Variants in CCNJL observed in about 807,000 individuals in gnomAD.
The protein encoded by CCNJL is cyclin J like.
A neutral mutation model predicts 33.4 loss-of-function variants in CCNJL; 33 were observed. That is an observed-to-expected ratio of 0.99 (90% confidence interval 0.75 to 1.32). The LOEUF is 1.32. Among genes scored for constraint, CCNJL ranks in the 40% most tolerant of loss-of-function variants. CCNJL has a pLI of 0.00. For missense variants in CCNJL, 512 were observed against 499.7 expected (o/e 1.02, Z -0.23); for synonymous variants, 227 against 220.9 (o/e 1.03, Z -0.24).
chr5:160,291,684 G>A (rs1046088543), intron 2 of CCNJL, among the ~76,000 whole-genome samples: 3 of 152,186 alleles, frequency 2.0e-5, no homozygotes, highest in African/African-American at 7.2e-5. Context: ...TCTAAACCTA[G>A]AGATTTACTG....
intron 2 of CCNJL, among the ~76,000 whole-genome samples, chr5:160,310,721 T>C (rs1354528768): frequency 1.3e-5 from 2 of 152,280 alleles, no homozygotes; most frequent in Non-Finnish European, 2.9e-5. Flanking sequence ...TGGGTTCTAC[T>C]CCAATGATCG....
At chr5:160,259,322 T>C (rs1299616898) in intron 4 of CCNJL, 147 bp downstream of exon 4, 1 of 662,846 alleles carries the variant, frequency 1.5e-6, no homozygotes, top group African/African-American at 1.8e-5. Context: ...CTTTGCTTAC[T>C]GCCTGCAAAG....
chr5:160,305,833 C>T (rs1269731373), intron 2 of CCNJL, among the ~76,000 whole-genome samples: 1 of 152,208 alleles, frequency 6.6e-6, no homozygotes, highest in African/African-American at 2.4e-5. Context: ...TGGGAGCATG[C>T]TGGCACACTG....
At chr5:160,323,948 C>T (rs763296566) in intron 1 of CCNJL, among the ~76,000 whole-genome samples, 19 of 152,206 alleles carry the variant, frequency 1.2e-4, no homozygotes, top group African/African-American at 2.4e-4. Flanking sequence ...TGCATTCCGA[C>T]GGGGACTATC....
chr5:160,282,980 T>TATATATATATATATATATATATATATAC (rs1762273632), intron 2 of CCNJL, among the ~76,000 whole-genome samples: 5 of 71,188 alleles, frequency 7.0e-5, no homozygotes, highest in Non-Finnish European at 7.8e-5. Flanking sequence ...TATATATATA[T>TATATATATATATATATATATATATATAC]ATATATATAT....
chr5:160,291,254 T>C (rs1762576290), intron 2 of CCNJL, among the ~76,000 whole-genome samples: 1 of 152,038 alleles, frequency 6.6e-6, no homozygotes, highest in South Asian at 2.1e-4. Flanking sequence ...TTATAAACTG[T>C]GCACCTAGCA....
chr5:160,316,372 A>G (rs896113909), upstream of CCNJL, among the ~76,000 whole-genome samples: 7 of 152,038 alleles, frequency 4.6e-5, no homozygotes, highest in East Asian at 1.2e-3. Context: ...GGAACAACAG[A>G]TTTAGAGCAA....
chr5:160,290,647 C>T (rs1003728919), intron 2 of CCNJL, among the ~76,000 whole-genome samples: 1 of 152,086 alleles, frequency 6.6e-6, no homozygotes, highest in African/African-American at 2.4e-5. Flanking sequence ...TTTTTATCTA[C>T]TCATTCATTT....
chr5:160,325,955 C>G (rs1306470195), intron 1 of CCNJL, among the ~76,000 whole-genome samples: 1 of 152,130 alleles, frequency 6.6e-6, no homozygotes, highest in African/African-American at 2.4e-5. Context: ...GACAGAGACT[C>G]TATGGCCTAG....
intron 3 of CCNJL, among the ~76,000 whole-genome samples, chr5:160,269,914 C>T (rs763905174): frequency 2.0e-5 from 3 of 152,190 alleles, no homozygotes; most frequent in East Asian, 1.9e-4. Flanking sequence ...TACTGGGCCT[C>T]GGATTCTTCC....
rs1224417468 is a variant in CCNJL, at chr5:160,250,974, T to C, written c.*2404A>G. 6.6e-6 allele frequency: 1 copy of C among 152,228 alleles called. No homozygotes were observed. The highest frequency in any genetic ancestry group is 2.4e-5 in the African/African-American group (1 of 41,456). 9.4% of individuals were successfully genotyped at this position (152,228 alleles called of 1,614,324 possible). On this transcript the variant is annotated 3_prime_UTR_variant, in exon 6 of 6. Coordinates refer to ENST00000257536, the MANE Select transcript of CCNJL (RefSeq NM_001308173.3). ...AGGCTCAGAGAGAGGTTGGGTCAAC[T>C]GCCTTCCAACAGCTGGTAAGTGGTG...
intron 1 of CCNJL, among the ~76,000 whole-genome samples, chr5:160,327,715 G>A (rs960731091): frequency 6.6e-6 from 1 of 152,198 alleles, no homozygotes; most frequent in Non-Finnish European, 1.5e-5. Flanking sequence ...TAAAGCTCCA[G>A]AGTAAGGAGA....
chr5:160,311,904 C>T lies in CCNJL; in HGVS notation c.20G>A (p.Trp7Ter). MMDEPW[W>*]EGRVASDVHC... ...GACGTCCGAGGCGACGCGCCCTTCC[C>T]ACCACGGCTCATCCATCATCGCGTA... The change falls in exon 2 of 6, where the codon TGG (tryptophan) becomes TAG (stop). Residue 7 changes from tryptophan to a stop codon, truncating the protein, a stop_gained. Transcript: ENST00000257536. LOFTEE classifies it high-confidence loss of function. 6.2e-7 allele frequency: 1 copy of T among 1,614,186 alleles called. No individual in the cohort carries two copies. Among genetic ancestry groups the T allele is most frequent in the Non-Finnish European group, 8.5e-7 (1 of 1,180,018 alleles).
intron 2 of CCNJL, among the ~76,000 whole-genome samples, chr5:160,289,426 G>C (rs1012238164): frequency 2.6e-5 from 4 of 151,842 alleles, no homozygotes; most frequent in African/African-American, 9.7e-5. Flanking sequence ...TTCCTCTCGG[G>C]ACTCCCTTAT....
At chr5:160,303,024 C>G (rs775572864) in intron 2 of CCNJL, among the ~76,000 whole-genome samples, 16 of 152,088 alleles carry the variant, frequency 1.1e-4, no homozygotes, top group Non-Finnish European at 2.1e-4. Flanking sequence ...CCATCATCTA[C>G]TCTTTTGTAT....
chr5:160,322,668 G>A (rs1430408171), intron 1 of CCNJL, among the ~76,000 whole-genome samples: 3 of 152,152 alleles, frequency 2.0e-5, no homozygotes, highest in African/African-American at 7.2e-5. Flanking sequence ...AGCACTTTGG[G>A]AGGCTGAGGC....
intron 3 of CCNJL, chr5:160,261,193 G>C (rs1761314729): frequency 6.6e-6 from 1 of 152,170 alleles, no homozygotes; most frequent in Admixed American, 6.5e-5. Context: ...ACATTCCTGA[G>C]GACGGCTCAA....
At chr5:160,329,637 C>G (rs553307994) in intron 1 of CCNJL, among the ~76,000 whole-genome samples, 31 of 152,312 alleles carry the variant, frequency 2.0e-4, no homozygotes, top group African/African-American at 7.0e-4. Context: ...GTGTGAGCCA[C>G]TACGCCCGGC....
rs1763220743 is a variant in CCNJL at position 160,310,292 on chromosome 5, G to T, written c.66+1566C>A. 2.6e-5 allele frequency among the ~76,000 whole-genome samples: 4 copies of T among 152,162 alleles called. No homozygotes were observed. The South Asian group carries it at 8.3e-4, about 32-fold the overall frequency. On this transcript the variant is annotated intron_variant, in intron 2 of 5. Transcript: ENST00000257536. ...ACCAACAAGACCTGGATTTCTTCTT[G>T]TCCAGATGCCTAGAATGTGCCACAC...
Sources: gnomAD v4.1 joint callset for allele counts (sites outside exome capture counted in the v4.1 genomes callset) on GRCh38, gnomAD v4.1.1 for gene constraint, MANE v1.5 for transcripts, NCBI Gene and HGNC (gene_info 2026-07-23, HGNC 2026-07-21) for gene names.